Variants in ATRNL1 observed in about 807,000 individuals in gnomAD.
ATRNL1 encodes the protein attractin like 1.
Under a neutral mutation model 182.7 loss-of-function variants are expected in ATRNL1, and 95 were observed. The observed-to-expected ratio is 0.52, with a 90% confidence interval of 0.44 to 0.62. The LOEUF is 0.62. Ranked by LOEUF, ATRNL1 falls within the 20% of genes least tolerant of loss-of-function variation. The pLI is 0.00. For missense variants in ATRNL1, 1,471 were observed against 1,679.5 expected (o/e 0.88, Z 2.17); for synonymous variants, 576 against 568.3 (o/e 1.01, Z -0.19).
chr10:115,824,167 A>G (rs532551593), intron 27 of ATRNL1, among the ~76,000 whole-genome samples: 5 of 152,236 alleles, frequency 3.3e-5, no homozygotes, highest in Admixed American at 1.3e-4. Flanking sequence ...GACAAAAACA[A>G]GCAATGGGGA....
At chr10:115,920,312 T>A (rs782239056) in intron 28 of ATRNL1, among the ~76,000 whole-genome samples, 25 of 152,284 alleles carry the variant, frequency 1.6e-4, no homozygotes, top group Non-Finnish European at 2.9e-4. Context: ...ATCAGGCACG[T>A]GAAGTTGTGG....
At chr10:115,248,412 A>G (rs535128107) in intron 10 of ATRNL1, among the ~76,000 whole-genome samples, 1 of 152,338 alleles carries the variant, frequency 6.6e-6, no homozygotes, top group East Asian at 1.9e-4. Flanking sequence ...AAAATAAAAT[A>G]TTAACACATA....
chr10:115,529,024 A>G (rs1338151058), intron 25 of ATRNL1, among the ~76,000 whole-genome samples: 1 of 152,072 alleles, frequency 6.6e-6, no homozygotes, highest in Non-Finnish European at 1.5e-5. Flanking sequence ...ATAATTTGTT[A>G]CCTAACATAT....
chr10:115,428,201 G>C (rs541692033), intron 21 of ATRNL1, among the ~76,000 whole-genome samples: 50 of 151,908 alleles, frequency 3.3e-4, no homozygotes, highest in African/African-American at 1.2e-3. Flanking sequence ...TTTCATTCCT[G>C]ATTTCCTGAT....
chr10:115,289,004 T>C (rs1290847369), intron 15 of ATRNL1, among the ~76,000 whole-genome samples: 2 of 152,196 alleles, frequency 1.3e-5, no homozygotes, highest in African/African-American at 2.4e-5. Context: ...GATAAAGACA[T>C]ATCCGAGACT....
At position 115,495,701 on chromosome 10, in the gene ATRNL1, GTT is replaced by G. The variant is rs35800509; in HGVS notation, c.3655-23551_3655-23550del. 2.5e-3 allele frequency among the ~76,000 whole-genome samples: 374 copies of G among 149,024 alleles called. 1 individual carries two copies. The highest frequency in any genetic ancestry group is 4.7e-3 in the Non-Finnish European group (317 of 67,346). On this transcript the variant is annotated intron_variant, in intron 24 of 28. Transcript: ENST00000355044. The stretch of plus-strand genomic sequence containing the variant: ...TGAGAATGCAGTTGGTATGATTTCA[GTT>G]TTTTTTTTTTAATTTGCTGAGAATT...
intron 8 of ATRNL1, among the ~76,000 whole-genome samples, chr10:115,209,161 T>C (rs999770789): frequency 1.3e-5 from 2 of 151,682 alleles, no homozygotes; most frequent in African/African-American, 4.8e-5. Flanking sequence ...GCTTCACAGA[T>C]GTTGGATAAC....
intron 19 of ATRNL1, 90 bp from the exon 20 acceptor site, chr10:115,394,569 A>C: frequency 9.9e-7 from 1 of 1,005,604 alleles, no homozygotes; most frequent in East Asian, 2.5e-5. Flanking sequence ...GTTACAGGAC[A>C]TAAAAATAAG....
At chr10:115,252,951 C>T (rs1484567730) in intron 10 of ATRNL1, among the ~76,000 whole-genome samples, 1 of 152,134 alleles carries the variant, frequency 6.6e-6, no homozygotes, top group Non-Finnish European at 1.5e-5. Flanking sequence ...CACTTTGTGC[C>T]AAGAGCTATC....
chr10:115,743,108 C>T (rs1948185756), intron 27 of ATRNL1, among the ~76,000 whole-genome samples: 1 of 152,018 alleles, frequency 6.6e-6, no homozygotes, highest in South Asian at 2.1e-4. Context: ...GAGGTAACCA[C>T]TCCATGATTC....
Position 115,563,838 on chromosome 10 carries a change from A to G in ATRNL1, c.3795+14302A>G, listed in dbSNP as rs189249633. ...ATATATTGAATGACAGATATTGTGC[A>G]TACTCCATCACTAGCAGTGGTTCAC... On this transcript the variant is annotated intron_variant, in intron 26 of 28. Coordinates refer to ENST00000355044, the MANE Select transcript of ATRNL1 (RefSeq NM_207303.4). Among the ~76,000 whole-genome samples the G allele has an allele frequency of 1.8e-4, 28 of 152,270 alleles. No individual in the cohort carries two copies. The East Asian group carries it at 5.2e-3, about 28-fold the overall frequency.
intron 27 of ATRNL1, among the ~76,000 whole-genome samples, chr10:115,732,178 C>A (rs1185282403): frequency 6.6e-6 from 1 of 152,080 alleles, no homozygotes; most frequent in Non-Finnish European, 1.5e-5. Context: ...GGGTATATGC[C>A]TAAGGGTGGA....
chr10:115,895,197 G>C (rs1387953764), intron 28 of ATRNL1, among the ~76,000 whole-genome samples: 1 of 152,156 alleles, frequency 6.6e-6, no homozygotes, highest in Non-Finnish European at 1.5e-5. Context: ...TTCATAACTA[G>C]CACTAATAAT....
intron 27 of ATRNL1, among the ~76,000 whole-genome samples, chr10:115,807,346 C>G (rs1421752976): frequency 6.6e-6 from 1 of 152,080 alleles, no homozygotes; most frequent in African/African-American, 2.4e-5. Context: ...AAACTCCTGG[C>G]CTCAAGCAGT....
chr10:115,179,571 ATTATT>A (rs1397584570), intron 8 of ATRNL1, among the ~76,000 whole-genome samples: 2 of 152,020 alleles, frequency 1.3e-5, no homozygotes, highest in Non-Finnish European at 2.9e-5. Flanking sequence ...TTTTGATCAT[ATTATT>A]TATTTCCTGT....
chr10:115,294,149 C>T (rs1853061317), intron 15 of ATRNL1, among the ~76,000 whole-genome samples: 1 of 152,160 alleles, frequency 6.6e-6, no homozygotes, highest in Non-Finnish European at 1.5e-5. Context: ...ACTCCATATT[C>T]TATTTTATTT....
At chr10:115,506,473 G>A (rs1432659568) in intron 24 of ATRNL1, among the ~76,000 whole-genome samples, 1 of 151,928 alleles carries the variant, frequency 6.6e-6, no homozygotes, top group African/African-American at 2.4e-5. Flanking sequence ...ACTTACCTAG[G>A]GATGGGTCTC....
At chr10:115,764,636 A>G (rs1948811819) in intron 27 of ATRNL1, among the ~76,000 whole-genome samples, 1 of 152,106 alleles carries the variant, frequency 6.6e-6, no homozygotes, top group African/African-American at 2.4e-5. Flanking sequence ...ACACAGAAAT[A>G]TACATTTAAG....
chr10:115,786,317 A>C (rs545229179), intron 27 of ATRNL1, among the ~76,000 whole-genome samples: 1 of 152,144 alleles, frequency 6.6e-6, no homozygotes, highest in Admixed American at 6.5e-5. Flanking sequence ...ACCAATTACC[A>C]CAGACTAGGT....
Sources: allele counts gnomAD v4.1 joint callset (sites outside exome capture counted in the v4.1 genomes callset), GRCh38; gene constraint gnomAD v4.1.1; transcripts MANE v1.5; gene names NCBI Gene and HGNC (gene_info 2026-07-23, HGNC 2026-07-21).